The following PBK variants were observed in gnomAD, a reference collection of about 807,000 sequenced individuals.
PBK encodes the protein PDZ binding kinase.
Under a neutral mutation model 33.5 loss-of-function variants are expected in PBK, and 22 were observed. That is an observed-to-expected ratio of 0.66 (90% CI 0.47 to 0.94). PBK has a LOEUF of 0.94. Ranked by LOEUF, PBK falls within the 40% of genes least tolerant of loss-of-function variation. The pLI is 0.00. For missense variants in PBK, 376 were observed against 383.4 expected (o/e 0.98, Z 0.16); for synonymous variants, 129 against 123.8 (o/e 1.04, Z -0.28).
intron 7 of PBK, 125 bp from the exon 8 acceptor site, chr8:27,810,626 A>G: frequency 1.6e-6 from 1 of 624,512 alleles, no homozygotes; most frequent in South Asian, 2.0e-5. Flanking sequence ...TGCCACAGAC[A>G]GAATGGAAAT....
chr8:27,828,744 C>CAAAAAA (rs34388320), intron 2 of PBK, among the ~76,000 whole-genome samples: 81 of 82,588 alleles, frequency 9.8e-4, no homozygotes, highest in African/African-American at 3.4e-3. Flanking sequence ...GACACAGTCT[C>CAAAAAA]AAAAAAAAAA....
intron 6 of PBK, chr8:27,812,230 A>T (rs1432992269): frequency 6.6e-6 from 1 of 152,154 alleles, no homozygotes; most frequent in Non-Finnish European, 1.5e-5. Context: ...TAGTTAGCTG[A>T]GAGGTTAACT....
intron 6 of PBK, among the ~76,000 whole-genome samples, 167 bp downstream of exon 6, chr8:27,820,398 C>T (rs1450389124): frequency 6.6e-6 from 1 of 151,964 alleles, no homozygotes; most frequent in East Asian, 1.9e-4. Context: ...GTACATGTGG[C>T]AAGGGAGAAG....
rs924212430 is a variant in PBK, at chr8:27,826,100, G to C, written c.152+2005C>G. 3.9e-5 allele frequency among the ~76,000 whole-genome samples: 6 copies of C among 151,982 alleles called. No individual in the cohort carries two copies. In the South Asian group the frequency reaches 1.2e-3, roughly 32 times the overall value. On this transcript the variant is annotated intron_variant, in intron 3 of 7. Coordinates refer to ENST00000301905, the MANE Select transcript of PBK (RefSeq NM_018492.4). ...GTGGGGGGGACAGATAACATAAAAC[G>C]GATTACATATGAAGAATTAGCAGTC...
chr8:27,824,998 A>C (rs1805998752), intron 3 of PBK, among the ~76,000 whole-genome samples: 1 of 149,924 alleles, frequency 6.7e-6, no homozygotes. Context: ...AAGCCCACTA[A>C]CATAATAGCA....
intron 4 of PBK, 89 bp downstream of exon 4, chr8:27,822,974 C>T: frequency 2.5e-6 from 2 of 803,760 alleles, no homozygotes; most frequent in Middle Eastern, 3.5e-4. Flanking sequence ...CTCTTCATTT[C>T]TATTAGTGAA....
chr8:27,826,795 C>CAA (rs5890381), intron 3 of PBK, among the ~76,000 whole-genome samples: 66 of 65,994 alleles, frequency 1.0e-3, no homozygotes, highest in Middle Eastern at 8.8e-3. Context: ...GACTCCGTCT[C>CAA]AAAAAAAAAA....
At chr8:27,811,192 A>C (rs1805674627) in intron 6 of PBK, 58 bp from the exon 7 acceptor site, 1 of 1,503,066 alleles carries the variant, frequency 6.7e-7, no homozygotes, top group African/African-American at 1.4e-5. Context: ...AAGGCAAGCA[A>C]CCCAAAGGGA....
intron 3 of PBK, among the ~76,000 whole-genome samples, chr8:27,827,480 G>A (rs1378342979): frequency 6.6e-6 from 1 of 152,110 alleles, no homozygotes; most frequent in Non-Finnish European, 1.5e-5. Context: ...CTGGGAGGTC[G>A]TGCCACTGCA....
chr8:27,810,277 G>A lies in PBK; in HGVS notation c.*28C>T, dbSNP rs754770637. The A allele has an allele frequency of 6.2e-5, 92 of 1,485,584 alleles. 1 individual carries two copies. The highest frequency in any genetic ancestry group is 1.2e-4 in the South Asian group (10 of 86,286). The allele number at this position is 1,485,584 out of a possible 1,614,324, so 92.0% of individuals were successfully genotyped here. On this transcript the variant is annotated 3_prime_UTR_variant, in exon 8 of 8. Coordinates refer to ENST00000301905, the MANE Select transcript of PBK (RefSeq NM_018492.4). ...TATTTTGGAATAAACAGTTATTTACGCAAGCCACACTTCAGCTGAGATGAT... is the reference window on the plus strand; with the variant it reads ...TATTTTGGAATAAACAGTTATTTACACAAGCCACACTTCAGCTGAGATGAT...
At chr8:27,836,532 G>A (rs1806230695) in intron 1 of PBK, among the ~76,000 whole-genome samples, 1 of 151,778 alleles carries the variant, frequency 6.6e-6, no homozygotes, top group South Asian at 2.1e-4. Flanking sequence ...GATCATCTAG[G>A]GAGTAACTGT....
chr8:27,827,939 C>T (rs1323535369), intron 3 of PBK, among the ~76,000 whole-genome samples, 166 bp downstream of exon 3: 1 of 152,182 alleles, frequency 6.6e-6, no homozygotes, highest in Non-Finnish European at 1.5e-5. Flanking sequence ...GGCAGAGCTA[C>T]AGGCAAAGTT....
chr8:27,832,781 G>A (rs1317777630), intron 2 of PBK, among the ~76,000 whole-genome samples: 5 of 152,192 alleles, frequency 3.3e-5, no homozygotes, highest in Admixed American at 3.3e-4. Flanking sequence ...TGGATGAGAG[G>A]GAGAAAGGTA....
rs186687827 is a variant in PBK at position 27,821,879 on chromosome 8, T to A, written c.465+440A>T. 4.6e-4 allele frequency among the ~76,000 whole-genome samples: 64 copies of A among 137,810 alleles called. No homozygotes were observed. In the East Asian group the frequency reaches 0.012, roughly 26 times the overall value. 90.4% of individuals were successfully genotyped at this position (137,810 alleles called of 152,430 possible). ...ACGGTGGTCCCATAAGATTATAATA[T>A]CATATTTTGATTTTACCTTTTCTAT... On this transcript the variant is annotated intron_variant, in intron 5 of 7. Transcript: ENST00000301905.
intron 6 of PBK, among the ~76,000 whole-genome samples, chr8:27,816,975 G>T (rs1292496390): frequency 6.6e-6 from 1 of 152,070 alleles, no homozygotes; most frequent in Non-Finnish European, 1.5e-5. Context: ...ACAGTAAAAA[G>T]ATTGATATTT....
In PBK at chr8:27,828,200, T is replaced by G. The variant is rs775240279; in HGVS notation, c.59-2A>C. ...TTATAGTTGGAGTTGAACATAATAC[T>G]AAATGTCAGAGAAATAAAAAATAAA... On this transcript the variant is annotated splice_acceptor_variant, in intron 2 of 7. Transcript: ENST00000301905. LOFTEE classifies it high-confidence loss of function. The G allele has an allele frequency of 2.2e-6, 3 of 1,362,568 alleles. No homozygotes were observed. The allele number at this position is 1,362,568 out of a possible 1,614,324, so 84.4% of individuals were successfully genotyped here. A position where few individuals can be genotyped will look rare whatever the true frequency, so the allele number is the denominator to read the frequency against.
In PBK at chr8:27,833,070, T is replaced by C; in HGVS notation, c.44A>G (p.Glu15Gly). The change falls in exon 2 of 8, where the codon GAA (glutamate) becomes GGA (glycine). Residue 15 changes from glutamate to glycine, a missense_variant. Glu to Gly is a moderately conservative substitution (Grantham distance 98). Transcript: ENST00000301905. Reference sequence around the variant, plus strand: ...TGCTATCTTACCAGATTTCTTTTTTTCTGATAATTTGCTTGGTGTCTTGAA... The same window carrying C: ...TGCTATCTTACCAGATTTCTTTTTTCCTGATAATTTGCTTGGTGTCTTGAA... ...SNFKTPSKLS[E>G]KKKSVLCSTP... The C allele has an allele frequency of 6.3e-7, 1 of 1,595,118 alleles. No individual in the cohort carries two copies. Among genetic ancestry groups the C allele is most frequent in the Non-Finnish European group, 8.5e-7 (1 of 1,169,654 alleles).
intron 5 of PBK, among the ~76,000 whole-genome samples, chr8:27,821,382 C>T (rs897669546): frequency 2.6e-5 from 4 of 152,156 alleles, no homozygotes; most frequent in Non-Finnish European, 5.9e-5. Context: ...CCTGCCTCAG[C>T]CTCCCGAGTA....
At chr8:27,828,597 C>T (rs113316017) in intron 2 of PBK, among the ~76,000 whole-genome samples, 1,507 of 147,258 alleles carry the variant, frequency 0.01, 20 homozygotes, top group African/African-American at 0.036. Flanking sequence ...TCCATCTCTA[C>T]ACACGAAAAA....
Sources: allele counts gnomAD v4.1 joint callset (sites outside exome capture counted in the v4.1 genomes callset), GRCh38; gene constraint gnomAD v4.1.1; transcripts MANE v1.5; gene names NCBI Gene and HGNC (gene_info 2026-07-23, HGNC 2026-07-21).